PCSK5: variants seen among roughly 807,000 people sequenced by gnomAD.
PCSK5 encodes proprotein convertase subtilisin/kexin type 5, also known as prohormone convertase 5.
PCSK5 carries 129 observed loss-of-function variants against 233.2 expected under a neutral mutation model. The ratio of observed to expected loss-of-function variants is 0.55; its 90% confidence interval spans 0.48 to 0.64. PCSK5 has a LOEUF of 0.64. PCSK5 is among the 30% of genes least tolerant of loss of function. The probability of loss-of-function intolerance (pLI) is 0.00; values close to 1 mark genes in which losing one functional copy is unlikely to be tolerated. For synonymous variants in PCSK5, 825 were observed against 879.2 expected (o/e 0.94, Z 1.09); for missense variants, 2,076 against 2,430.1 (o/e 0.85, Z 3.06).
chr9:76,105,405 G>A (rs1039087981), intron 8 of PCSK5, among the ~76,000 whole-genome samples: 19 of 152,162 alleles, frequency 1.2e-4, no homozygotes, highest in African/African-American at 4.3e-4. Context: ...ACTGTTCAGT[G>A]GTTACAGAGT....
At chr9:76,212,501 G>A (rs1012079736) in intron 20 of PCSK5, among the ~76,000 whole-genome samples, 5 of 152,206 alleles carry the variant, frequency 3.3e-5, no homozygotes, top group Non-Finnish European at 5.9e-5. Context: ...ACTGCCTGTG[G>A]CATGTGGTTA....
intron 3 of PCSK5, among the ~76,000 whole-genome samples, chr9:76,018,840 A>G (rs1180797657): frequency 1.3e-5 from 2 of 152,336 alleles, no homozygotes; most frequent in East Asian, 1.9e-4. Flanking sequence ...GTACTCATCA[A>G]AGTGCTAAGG....
intron 9 of PCSK5, among the ~76,000 whole-genome samples, chr9:76,114,274 A>G (rs1452950714): frequency 6.6e-6 from 1 of 152,136 alleles, no homozygotes; most frequent in African/African-American, 2.4e-5. Context: ...ACTGTCCTGA[A>G]CTATTCCCTA....
In PCSK5 at chr9:76,354,059, C is replaced by T; in HGVS notation, c.5094C>T (p.Cys1698=). Residue 1698 remains cysteine, a synonymous_variant, in exon 37 of 38, where the codon TGC becomes TGT. Transcript: ENST00000674117. The part of the protein sequence containing the change: ...GEGEKFNCEK[C]HESCMECKGP... ...GAGAGAAGTTTAACTGTGAAAAATG[C>T]CACGAGAGCTGCATGGAATGCAAGG... 6.2e-7 allele frequency: 1 copy of T among 1,608,846 alleles called. No homozygotes were observed. The highest frequency in any genetic ancestry group is 8.5e-7 in the Non-Finnish European group (1 of 1,178,154).
intron 24 of PCSK5, among the ~76,000 whole-genome samples, chr9:76,274,470 A>C (rs1329691810): frequency 2.6e-5 from 4 of 152,156 alleles, no homozygotes; most frequent in African/African-American, 9.7e-5. Context: ...TATGTGGTCT[A>C]TGTTTTTAAA....
chr9:76,075,088 C>T (rs923000949), intron 7 of PCSK5, among the ~76,000 whole-genome samples: 3 of 152,034 alleles, frequency 2.0e-5, no homozygotes, highest in South Asian at 2.1e-4. Flanking sequence ...GGTGTGGTGG[C>T]GGGTGCCTGT....
chr9:76,066,412 A>G (rs909891166), intron 5 of PCSK5, among the ~76,000 whole-genome samples: 5 of 152,182 alleles, frequency 3.3e-5, no homozygotes, highest in Non-Finnish European at 7.3e-5. Flanking sequence ...ATTTGACAAC[A>G]TACTCTCTAC....
intron 9 of PCSK5, among the ~76,000 whole-genome samples, chr9:76,121,147 G>A (rs1832615507): frequency 6.6e-6 from 1 of 151,350 alleles, no homozygotes; most frequent in Non-Finnish European, 1.5e-5. Context: ...GTCAATGTTT[G>A]TGTTTCTTTT....
chr9:76,057,319 A>G (rs1374462318), intron 5 of PCSK5, among the ~76,000 whole-genome samples: 1 of 152,218 alleles, frequency 6.6e-6, no homozygotes, highest in Admixed American at 6.5e-5. Flanking sequence ...CTATTGCTCT[A>G]TAACTTGTTT....
intron 9 of PCSK5, among the ~76,000 whole-genome samples, chr9:76,111,862 G>A (rs1258877572): frequency 1.3e-5 from 2 of 152,078 alleles, no homozygotes; most frequent in Admixed American, 1.3e-4. Flanking sequence ...TATGTTCCCA[G>A]TGCTATAGAT....
intron 37 of PCSK5, 70 bp from the exon 38 acceptor site, chr9:76,358,443 C>T (rs182862669): frequency 8.2e-7 from 1 of 1,221,630 alleles, no homozygotes; most frequent in Non-Finnish European, 1.2e-6. Context: ...ACCTCAGAAA[C>T]TAATTTTCTC....
intron 24 of PCSK5, among the ~76,000 whole-genome samples, chr9:76,246,764 C>T (rs1826616202): frequency 6.6e-6 from 1 of 152,220 alleles, no homozygotes; most frequent in Non-Finnish European, 1.5e-5. Flanking sequence ...CAAAGACGAT[C>T]CGTATGAACT....
At chr9:76,129,927 A>G (rs1822690134) in intron 9 of PCSK5, among the ~76,000 whole-genome samples, 1 of 152,120 alleles carries the variant, frequency 6.6e-6, no homozygotes, top group Admixed American at 6.6e-5. Context: ...GAAAACTAGA[A>G]AACTAGAAGT....
chr9:76,025,131 C>A (rs184557199), intron 4 of PCSK5, among the ~76,000 whole-genome samples: 1 of 152,006 alleles, frequency 6.6e-6, no homozygotes, highest in Non-Finnish European at 1.5e-5. Context: ...CTTGATTTCC[C>A]GAAACATTTC....
rs141718015 is a variant in PCSK5, at chr9:76,111,587, GA to G, written c.1208+4237del. Among the ~76,000 whole-genome samples the G allele has an allele frequency of 5.3e-3, 806 of 152,204 alleles. 4 individuals carry two copies. Among genetic ancestry groups the G allele is most frequent in the Middle Eastern group, 0.014 (4 of 294 alleles). On this transcript the variant is annotated intron_variant, in intron 9 of 37. Transcript: ENST00000674117. ...GTTTAATAGTATGATTTTTTTTCTG[GA>G]TTTTTTTTGGTAACTTTCTGGTGTT...
At chr9:76,069,541 C>A (rs1360184977) in intron 6 of PCSK5, among the ~76,000 whole-genome samples, 1 of 151,644 alleles carries the variant, frequency 6.6e-6, no homozygotes, top group Non-Finnish European at 1.5e-5. Context: ...AACCCCCATA[C>A]CCAAGGCATG....
chr9:76,144,069 G>A (rs1193735597), intron 10 of PCSK5, among the ~76,000 whole-genome samples: 2 of 150,882 alleles, frequency 1.3e-5, no homozygotes, highest in Non-Finnish European at 2.9e-5. Context: ...TATTATGCAA[G>A]CAGAATGACA....
intron 35 of PCSK5, among the ~76,000 whole-genome samples, 184 bp downstream of exon 35, chr9:76,338,631 G>C (rs541814636): frequency 6.6e-6 from 1 of 152,000 alleles, no homozygotes; most frequent in South Asian, 2.1e-4. Flanking sequence ...CCTCTAACCT[G>C]GGCTGCTCCT....
chr9:76,273,114 C>T (rs1827577082), intron 24 of PCSK5, among the ~76,000 whole-genome samples: 1 of 152,182 alleles, frequency 6.6e-6, no homozygotes, highest in Non-Finnish European at 1.5e-5. Flanking sequence ...GCTCTCTCTA[C>T]ATGAATGCCT....
Sources: gnomAD v4.1 joint callset for allele counts (sites outside exome capture counted in the v4.1 genomes callset) on GRCh38, gnomAD v4.1.1 for gene constraint, MANE v1.5 for transcripts, NCBI Gene and HGNC (gene_info 2026-07-23, HGNC 2026-07-21) for gene names.